Variants in DMD observed in about 807,000 individuals in gnomAD.
DMD encodes the protein mutant dystrophin.
Under a neutral mutation model 330.1 loss-of-function variants are expected in DMD, and 63 were observed. The ratio of observed to expected loss-of-function variants is 0.19; its 90% CI spans 0.16 to 0.24. The LOEUF (loss-of-function observed/expected upper bound fraction) is 0.24, where lower values mean the gene tolerates loss of function less well. DMD is among the 10% of genes least tolerant of loss of function. The pLI is 1.00. For missense variants in DMD, 3,344 were observed against 2,684.1 expected (o/e 1.25, Z -5.43); for synonymous variants, 1,223 against 959.8 (o/e 1.27, Z -5.07).
At chrX:32,452,291 AG>A (rs199711886) in intron 26 of DMD, among the ~76,000 whole-genome samples, 1 of 22,974 alleles carries the variant, frequency 4.4e-5, no homozygotes, top group Non-Finnish European at 9.1e-5. Flanking sequence ...AAGAAAGGAA[AG>A]GAAAAGGAAA....
intron 60 of DMD, among the ~76,000 whole-genome samples, chrX:31,420,199 T>C (rs1569540268): frequency 8.9e-6 from 1 of 112,717 alleles, no homozygotes; most frequent in Non-Finnish European, 1.9e-5. Flanking sequence ...ATAATACATT[T>C]ATTTTGGAAA....
At chrX:32,424,524 AT>A (rs2098203471) in intron 29 of DMD, among the ~76,000 whole-genome samples, 1 of 111,777 alleles carries the variant, frequency 8.9e-6, no homozygotes, top group Non-Finnish European at 1.9e-5. Flanking sequence ...AAATAACCAA[AT>A]GTATAAGATG....
At chrX:33,314,575 T>G (rs748453022) in intron 1 of DMD, among the ~76,000 whole-genome samples, 227 of 99,085 alleles carry the variant, frequency 2.3e-3, no homozygotes, top group Middle Eastern at 5.1e-3. Context: ...TTTTTGTTTT[T>G]TTTTTTTTTT....
At position 32,925,892 on chromosome X, in the gene DMD, G is replaced by A. The variant is rs2088966119; in HGVS notation, c.94-76072C>T. ...GATATTGGGGGACATAAATATTTATGGCTTGTTTTCTATATCTTTAAATTG... is the reference window on the plus strand; with the variant it reads ...GATATTGGGGGACATAAATATTTATAGCTTGTTTTCTATATCTTTAAATTG... On this transcript the variant is annotated intron_variant, in intron 2 of 78. Transcript: ENST00000357033. Among the ~76,000 whole-genome samples the A allele has an allele frequency of 6.3e-5, 7 of 111,780 alleles. No individual in the cohort carries two copies. The Admixed American group carries it at 6.7e-4, about 11-fold the overall frequency.
intron 56 of DMD, among the ~76,000 whole-genome samples, chrX:31,505,923 C>T (rs1355539945): frequency 2.7e-5 from 3 of 110,864 alleles, no homozygotes; most frequent in East Asian, 2.8e-4. Flanking sequence ...TGAGCCACTA[C>T]GCCTGGCCCA....
At chrX:32,921,537 G>A (rs984998820) in intron 2 of DMD, among the ~76,000 whole-genome samples, 3 of 111,228 alleles carry the variant, frequency 2.7e-5, no homozygotes, top group African/African-American at 9.8e-5. Context: ...ACTGATATAC[G>A]TGGCCATGTG....
intron 67 of DMD, among the ~76,000 whole-genome samples, chrX:31,185,876 TC>T (rs1393053755): frequency 1.8e-5 from 2 of 111,901 alleles, no homozygotes; most frequent in African/African-American, 3.2e-5. Flanking sequence ...GAGATGATTC[TC>T]CTTTGCTTTT....
rs1051652344 is a variant in DMD, at chrX:32,225,093, G to A, written c.6291-8030C>T. Among the ~76,000 whole-genome samples, 3 of 111,872 alleles carry A rather than the reference G, an allele frequency of 2.7e-5. No homozygotes were observed. The Admixed American group carries it at 2.9e-4, about 11-fold the overall frequency. On this transcript the variant is annotated intron_variant, in intron 43 of 78. Transcript: ENST00000357033. ...GTTTTTATAGGTAAACTTGTTAAAT[G>A]TCTTGTATGGACACTGCCTTATGAA...
intron 2 of DMD, among the ~76,000 whole-genome samples, chrX:33,015,629 T>C (rs1202027024): frequency 1.8e-5 from 2 of 110,581 alleles, no homozygotes; most frequent in Admixed American, 9.7e-5. Context: ...AGTTTACCTA[T>C]ATAACAAACC....
intron 7 of DMD, among the ~76,000 whole-genome samples, chrX:32,780,751 C>T (rs915215885): frequency 1.8e-5 from 2 of 110,043 alleles, no homozygotes; most frequent in African/African-American, 3.3e-5. Context: ...GGTCTTCACA[C>T]ATATTAATGA....
At chrX:33,053,878 G>A (rs770225951) in intron 1 of DMD, among the ~76,000 whole-genome samples, 11 of 111,325 alleles carry the variant, frequency 9.9e-5, no homozygotes, top group African/African-American at 2.9e-4. Flanking sequence ...GTGGGAAGGG[G>A]TGAATGTAAA....
intron 52 of DMD, among the ~76,000 whole-genome samples, chrX:31,728,016 A>G (rs1375521663): frequency 8.9e-6 from 1 of 112,547 alleles, no homozygotes; most frequent in African/African-American, 3.2e-5. Flanking sequence ...ACAAATTCCA[A>G]GCTCTGTTCT....
In DMD at chrX:31,600,710, T is replaced by C. The variant is rs187786686; in HGVS notation, c.8217+26963A>G. The stretch of plus-strand genomic sequence containing the variant: ...GTCTTGGGTCAGAGTATTGATTCCC[T>C]TCATCTCTTTTTCCCTGAGTATCAT... On this transcript the variant is annotated intron_variant, in intron 55 of 78. Transcript: ENST00000357033. Among the ~76,000 whole-genome samples the C allele has an allele frequency of 2.4e-4, 26 of 109,039 alleles. No individual in the cohort carries two copies. In the South Asian group the frequency reaches 5.3e-3, roughly 22 times the overall value. The allele number at this position is 109,039 out of a possible 115,157, so 94.7% of individuals were successfully genotyped here. A position where few individuals can be genotyped will look rare whatever the true frequency, so the allele number is the denominator to read the frequency against.
intron 55 of DMD, chrX:31,508,631 G>C (rs1203880799): frequency 8.1e-6 from 1 of 123,109 alleles, no homozygotes; most frequent in Non-Finnish European, 1.7e-5. Flanking sequence ...GAGCTGCCGG[G>C]TACCAGCATT....
intron 1 of DMD, among the ~76,000 whole-genome samples, chrX:33,256,054 T>C (rs2052851506): frequency 9.0e-6 from 1 of 111,397 alleles, no homozygotes; most frequent in South Asian, 3.6e-4. Context: ...CCTGATAATC[T>C]CAAAAGCTCA....
chrX:31,410,731 T>TTTTA (rs2061599220), intron 60 of DMD, among the ~76,000 whole-genome samples: 1 of 106,875 alleles, frequency 9.4e-6, no homozygotes, highest in African/African-American at 3.4e-5. Flanking sequence ...CAATCGATAA[T>TTTTA]TATATATATA....
chrX:31,512,178 G>T (rs1217700877), intron 55 of DMD, among the ~76,000 whole-genome samples: 1 of 110,726 alleles, frequency 9.0e-6, no homozygotes, highest in Non-Finnish European at 1.9e-5. Flanking sequence ...TTTTGATGGG[G>T]TTGTTTGTTT....
intron 64 of DMD, among the ~76,000 whole-genome samples, chrX:31,211,250 G>A (rs1312263911): frequency 8.9e-6 from 1 of 112,192 alleles, no homozygotes; most frequent in African/African-American, 3.2e-5. Context: ...GCGAGGTCCA[G>A]AGACAAAAGA....
chrX:32,711,747 C>G (rs1184387103), intron 7 of DMD, among the ~76,000 whole-genome samples: 2 of 111,712 alleles, frequency 1.8e-5, no homozygotes, highest in African/African-American at 6.5e-5. Context: ...GATGCTATGT[C>G]ATCCATACAT....
Sources: gnomAD v4.1 joint callset for allele counts (sites outside exome capture counted in the v4.1 genomes callset) on GRCh38, gnomAD v4.1.1 for gene constraint, MANE v1.5 for transcripts, NCBI Gene and HGNC (gene_info 2026-07-23, HGNC 2026-07-21) for gene names.